Variants in NECAB3 observed in about 807,000 individuals in gnomAD.
NECAB3 encodes N-terminal EF-hand calcium binding protein 3.
NECAB3 carries 38 observed loss-of-function variants against 57.2 expected under a neutral mutation model. The observed-to-expected ratio is 0.66, with a 90% CI of 0.51 to 0.87. NECAB3 has a LOEUF of 0.87. Ranked by LOEUF, NECAB3 falls within the 40% of genes least tolerant of loss-of-function variation. The pLI, the probability that NECAB3 is intolerant of heterozygous loss-of-function variation, is 0.00. For synonymous variants in NECAB3, 223 were observed against 222.6 expected (o/e 1.00, Z -0.02); for missense variants, 474 against 527.5 (o/e 0.90, Z 0.99).
chr20:33,663,793 A>G, intron 5 of NECAB3: 8 of 1,362,310 alleles, frequency 5.9e-6, no homozygotes, highest in Non-Finnish European at 6.6e-6. Context: ...GTCCCCGGGG[A>G]AGGCTCCCCG....
chr20:33,663,946 G>C, intron 5 of NECAB3: 3 of 1,274,782 alleles, frequency 2.4e-6, no homozygotes, highest in Non-Finnish European at 3.1e-6. Context: ...GCGTCTGGGC[G>C]CGGAGTCGGG....
At chr20:33,672,666 G>T (rs1234005495) in intron 1 of NECAB3, among the ~76,000 whole-genome samples, 4 of 152,214 alleles carry the variant, frequency 2.6e-5, no homozygotes, top group East Asian at 3.8e-4. Flanking sequence ...CTGGCCTCGT[G>T]GGGGGTGCTC....
intron 3 of NECAB3, 166 bp downstream of exon 3, chr20:33,670,518 T>A: frequency 1.9e-6 from 1 of 537,546 alleles, no homozygotes; most frequent in Middle Eastern, 3.5e-4. Flanking sequence ...GGCAAGGCTG[T>A]AGCTGGAGAG....
At chr20:33,663,377 G>A (rs1255209518) in intron 5 of NECAB3, 2 of 775,654 alleles carry the variant, frequency 2.6e-6, no homozygotes, top group South Asian at 1.9e-5. Context: ...ATTGGACAGG[G>A]GTCCCCTCCA....
At position 33,660,451 on chromosome 20, in the gene NECAB3, G is replaced by A; in HGVS notation, c.388-56C>T. The A allele has an allele frequency of 2.5e-6, 4 of 1,593,176 alleles. No individual in the cohort carries two copies. Among genetic ancestry groups the A allele is most frequent in the Non-Finnish European group, 3.4e-6 (4 of 1,166,604 alleles). On this transcript the variant is annotated intron_variant, in intron 5 of 11. Transcript: ENST00000246190. The surrounding 1 kb of genome is among the most constrained non-coding windows in gnomAD (Gnocchi z 4.1). ...CCCAGCCCGGGCACTGATCTCTTGA[G>A]TGGGTCCCCTGCCTCTTGCCCATCA...
rs1601148590 is a variant in NECAB3 at position 33,658,733 on chromosome 20, G to A, written c.981C>T (p.Ser327=). 1.2e-6 allele frequency: 2 copies of A among 1,613,624 alleles called. No homozygotes were observed. The highest frequency in any genetic ancestry group is 2.7e-5 in the African/African-American group (2 of 75,002). The stretch of plus-strand genomic sequence containing the variant: ...AGCTGGGGACTCACTGCAGACAATG[G>A]CTCTGGGCCCCTGTGAAGTCCACAT... ...RCYVDFTGAQ[S]HCLHVSAQKM... Residue 327 remains serine (S), a synonymous_variant, in exon 9 of 12, where the codon AGC becomes AGT. Transcript: ENST00000246190.
At chr20:33,672,016 G>T in intron 2 of NECAB3, 1 of 262,738 alleles carries the variant, frequency 3.8e-6, no homozygotes, top group Non-Finnish European at 7.4e-6. Flanking sequence ...TCAATTAAAG[G>T]CTGTGTGACC....
At chr20:33,667,727 TCA>T (rs755319711) in intron 5 of NECAB3, 3 of 1,612,276 alleles carry the variant, frequency 1.9e-6, no homozygotes, top group Middle Eastern at 1.6e-4. Flanking sequence ...CGCAAGGCCA[TCA>T]CACATCTCAA....
At chr20:33,668,574 C>G in intron 5 of NECAB3, 1 of 245,244 alleles carries the variant, frequency 4.1e-6, no homozygotes. Flanking sequence ...TTTGGACATA[C>G]ATCCGATGCC....
chr20:33,657,682 G>T lies in NECAB3; in HGVS notation c.*147C>A. 1.4e-6 allele frequency: 1 copy of T among 733,194 alleles called. No homozygotes were observed. Among genetic ancestry groups the T allele is most frequent in the Non-Finnish European group, 2.2e-6 (1 of 462,190 alleles). The allele number at this position is 733,194 out of a possible 1,614,324, so 45.4% of individuals were successfully genotyped here. A position where few individuals can be genotyped will look rare whatever the true frequency, so the allele number is the denominator to read the frequency against. Reference sequence around the variant, plus strand: ...TAATAAATAGAAAGCAAGCAGCCCAGTCCCTGATCCCTGGGCTGAGAGCCC... The same window carrying T: ...TAATAAATAGAAAGCAAGCAGCCCATTCCCTGATCCCTGGGCTGAGAGCCC... On this transcript the variant is annotated 3_prime_UTR_variant, in exon 12 of 12. Transcript: ENST00000246190.
In NECAB3 at chr20:33,657,641, G is replaced by A. The variant is rs1186799673; in HGVS notation, c.*188C>T. ...CTGAAGTGACAAACAATAAAATACA[G>A]GGATAAATAAATCAATAATAAATAG... On this transcript the variant is annotated 3_prime_UTR_variant, in exon 12 of 12. Coordinates refer to ENST00000246190, the MANE Select transcript of NECAB3 (RefSeq NM_031232.4). 2 of 580,482 alleles carry A rather than the reference G, an allele frequency of 3.4e-6. No individual in the cohort carries two copies. Among genetic ancestry groups the A allele is most frequent in the South Asian group, 6.1e-5 (2 of 33,028 alleles). 36.0% of individuals were successfully genotyped at this position (580,482 alleles called of 1,614,324 possible).
chr20:33,667,881 C>A (rs773882953), intron 5 of NECAB3: 9 of 1,593,888 alleles, frequency 5.6e-6, no homozygotes, highest in Non-Finnish European at 6.8e-6. Flanking sequence ...AACCCATCTT[C>A]CAGCCGGGCC....
chr20:33,674,499 G>A (rs1179823502), upstream of NECAB3: 3 of 759,024 alleles, frequency 4.0e-6, no homozygotes, highest in South Asian at 6.0e-5. Flanking sequence ...CGGACGCCGG[G>A]TTCCCTCGCC....
Position 33,660,358 on chromosome 20 carries a change from G to A in NECAB3, c.425C>T (p.Thr142Met), listed in dbSNP as rs748342007. ...CACCGTCTCCCGCAGCAGGAAGCGCGTCACAAACTGGTCCACTTTGGAGGC... is the reference window on the plus strand; with the variant it reads ...CACCGTCTCCCGCAGCAGGAAGCGCATCACAAACTGGTCCACTTTGGAGGC... ...ERASKVDQFV[T>M]RFLLRETVSQ... Residue 142 changes from threonine (T) to methionine (M), a missense_variant, in exon 6 of 12, where the codon ACG becomes ATG. Thr to Met is a moderately conservative substitution (Grantham distance 81). Coordinates refer to ENST00000246190, the MANE Select transcript of NECAB3 (RefSeq NM_031232.4). This position sits in a 1 kb window ranked among gnomAD's most constrained non-coding sequence, Gnocchi z 4.1. The A allele has an allele frequency of 1.2e-5, 19 of 1,613,688 alleles. No homozygotes were observed. Among genetic ancestry groups the A allele is most frequent in the South Asian group, 8.8e-5 (8 of 91,080 alleles).
At chr20:33,668,380 G>A (rs2017747856) in intron 5 of NECAB3, 4 of 1,207,888 alleles carry the variant, frequency 3.3e-6, no homozygotes, top group Non-Finnish European at 4.5e-6. Flanking sequence ...CCAGGAGAAG[G>A]TATTTGGGAC....
At chr20:33,658,675 C>T (rs1373115642) in intron 9 of NECAB3, 47 bp downstream of exon 9, 19 of 1,600,928 alleles carry the variant, frequency 1.2e-5, no homozygotes, top group Non-Finnish European at 1.5e-5. Flanking sequence ...CCCCTCTCTG[C>T]TCACCCCCTC....
In NECAB3 at chr20:33,658,763, G is replaced by A; in HGVS notation, c.951C>T (p.Arg317=). Residue 317 remains arginine, a synonymous_variant, in exon 9 of 12, where the codon CGC becomes CGT. Transcript: ENST00000246190. ...GGGCCCCTGTGAAGTCCACATAGCA[G>A]CGCAGGGCTCGGTGGAAGTCCTGCA... ...EGLQDFHRAL[R]CYVDFTGAQS... 1 of 1,613,722 alleles carries A rather than the reference G, an allele frequency of 6.2e-7. No homozygotes were observed. Among genetic ancestry groups the A allele is most frequent in the Non-Finnish European group, 8.5e-7 (1 of 1,179,974 alleles).
intron 8 of NECAB3, among the ~76,000 whole-genome samples, chr20:33,659,277 T>G (rs564379809): frequency 1.5e-4 from 23 of 152,344 alleles, no homozygotes; most frequent in African/African-American, 5.1e-4. Flanking sequence ...CCGTCCACAC[T>G]GCCCCAGACC....
intron 5 of NECAB3, chr20:33,663,556 C>T (rs2017549885): frequency 6.2e-7 from 1 of 1,611,230 alleles, no homozygotes; most frequent in Non-Finnish European, 8.5e-7. Flanking sequence ...GATTCTCCCC[C>T]TGGACAAGCG....
Sources: gnomAD v4.1 joint callset for allele counts (sites outside exome capture counted in the v4.1 genomes callset) on GRCh38, gnomAD v4.1.1 for gene constraint, Gnocchi (gnomAD v3.1) non-coding constraint, MANE v1.5 for transcripts, NCBI Gene and HGNC (gene_info 2026-07-23, HGNC 2026-07-21) for gene names.